The following GPM6A variants were observed in gnomAD, a reference collection of about 807,000 sequenced individuals.
GPM6A encodes neuronal membrane glycoprotein M6-a.
In GPM6A, 7 loss-of-function variants were observed where a neutral mutation model predicts 32.1. That is an observed-to-expected ratio of 0.22 (90% CI 0.12 to 0.41). The LOEUF (loss-of-function observed/expected upper bound fraction) is 0.41, where lower values mean the gene tolerates loss of function less well. Among genes scored for constraint, GPM6A ranks in the 10% least tolerant of loss-of-function variants. The pLI, the probability that GPM6A is intolerant of heterozygous loss-of-function variation, is 1.00. For synonymous variants in GPM6A, 130 were observed against 123.4 expected (o/e 1.05, Z -0.35); for missense variants, 235 against 347.2 (o/e 0.68, Z 2.57).
chr4:175,987,554 T>G (rs200631099), intron 1 of GPM6A, among the ~76,000 whole-genome samples: 11 of 109,488 alleles, frequency 1.0e-4, no homozygotes, highest in Non-Finnish European at 1.0e-4. Context: ...GTGTGTGTGT[T>G]TGTCTTTATA....
chr4:175,920,280 A>C (rs1238512704), intron 1 of GPM6A, among the ~76,000 whole-genome samples: 1 of 152,224 alleles, frequency 6.6e-6, no homozygotes, highest in Non-Finnish European at 1.5e-5. Context: ...CACCTCTGCT[A>C]CCAGTTGTGT....
At chr4:175,679,348 A>G (rs1421353024) in intron 2 of GPM6A, among the ~76,000 whole-genome samples, 1 of 152,088 alleles carries the variant, frequency 6.6e-6, no homozygotes, top group Non-Finnish European at 1.5e-5. Flanking sequence ...TGCTCCTGTC[A>G]GGGTATCTCC....
chr4:175,957,395 T>C (rs1740022500), intron 1 of GPM6A, among the ~76,000 whole-genome samples: 1 of 152,212 alleles, frequency 6.6e-6, no homozygotes, highest in Non-Finnish European at 1.5e-5. Context: ...GTCCCTACCA[T>C]GTATTTATGT....
chr4:175,923,925 A>C (rs908994028), intron 1 of GPM6A, among the ~76,000 whole-genome samples: 5 of 152,132 alleles, frequency 3.3e-5, no homozygotes, highest in Non-Finnish European at 5.9e-5. Flanking sequence ...ATAAGACAAC[A>C]AGCATGAAGA....
At chr4:175,692,381 T>C (rs1744347643) in intron 2 of GPM6A, among the ~76,000 whole-genome samples, 2 of 152,122 alleles carry the variant, frequency 1.3e-5, no homozygotes, top group South Asian at 4.1e-4. Context: ...GGTATTATAA[T>C]TTATTTTTTT....
In GPM6A at chr4:175,634,842, G is replaced by T; in HGVS notation, c.*63C>A. The T allele has an allele frequency of 7.2e-7, 1 of 1,385,750 alleles. No individual in the cohort carries two copies. The highest frequency in any genetic ancestry group is 1.0e-6 in the Non-Finnish European group (1 of 987,152). The allele number at this position is 1,385,750 out of a possible 1,614,324, so 85.8% of individuals were successfully genotyped here. The stretch of plus-strand genomic sequence containing the variant: ...TCGTTTTGTTTTTTAAAGGTTGGAT[G>T]GTTGGATGGCCCTTAGTTAAACACC... On this transcript the variant is annotated 3_prime_UTR_variant, in exon 7 of 7. Coordinates refer to ENST00000393658, the MANE Select transcript of GPM6A (RefSeq NM_201591.3).
chr4:175,716,000 G>C (rs1169399082), intron 1 of GPM6A, among the ~76,000 whole-genome samples: 1 of 152,118 alleles, frequency 6.6e-6, no homozygotes, highest in East Asian at 1.9e-4. Context: ...GGGAGGAGGA[G>C]GTTGCAGTGA....
intron 1 of GPM6A, among the ~76,000 whole-genome samples, chr4:175,706,658 T>C (rs1484009531): frequency 6.6e-6 from 1 of 152,196 alleles, no homozygotes; most frequent in Admixed American, 6.5e-5. Context: ...CCCATTAGTC[T>C]GTCTATCACT....
chr4:175,851,162 G>T (rs13147240), intron 1 of GPM6A, among the ~76,000 whole-genome samples: 18,195 of 151,968 alleles, frequency 0.12, 1,492 homozygotes, highest in East Asian at 0.29. Context: ...TTTGAGACCA[G>T]CCTGGCCAAC....
intron 1 of GPM6A, among the ~76,000 whole-genome samples, chr4:175,951,117 A>G (rs1279321190): frequency 6.6e-6 from 1 of 152,200 alleles, no homozygotes; most frequent in African/African-American, 2.4e-5. Context: ...TCTTAAATAC[A>G]ACACGTCGAT....
At chr4:175,817,184 C>G (rs2111342942), upstream of GPM6A, among the ~76,000 whole-genome samples, 1 of 152,344 alleles carries the variant, frequency 6.6e-6, no homozygotes, top group Middle Eastern at 3.4e-3. Context: ...AAAGTCAAAA[C>G]CACCACAAAC....
At chr4:175,917,050 T>C (rs926590253) in intron 1 of GPM6A, among the ~76,000 whole-genome samples, 4 of 152,194 alleles carry the variant, frequency 2.6e-5, no homozygotes, top group Admixed American at 6.5e-5. Context: ...AAGGATATCC[T>C]GTTAAAAGGA....
chr4:175,908,733 A>C (rs1738209330), intron 1 of GPM6A, among the ~76,000 whole-genome samples: 1 of 152,164 alleles, frequency 6.6e-6, no homozygotes, highest in African/African-American at 2.4e-5. Context: ...AGCTATTTTT[A>C]TGTAGAACTA....
chr4:175,848,333 T>C (rs1736152470), intron 1 of GPM6A, among the ~76,000 whole-genome samples: 1 of 152,196 alleles, frequency 6.6e-6, no homozygotes, highest in African/African-American at 2.4e-5. Context: ...CCTCTGAAAG[T>C]CAACGAAATA....
At chr4:175,648,686 A>T (rs1741612602) in intron 4 of GPM6A, among the ~76,000 whole-genome samples, 1 of 152,160 alleles carries the variant, frequency 6.6e-6, no homozygotes, top group South Asian at 2.1e-4. Context: ...CAGTTTCTCC[A>T]GGCCACCCAC....
rs1845729 is a variant in GPM6A, at chr4:175,884,322, A to G, written c.-22-72073T>C. On this transcript the variant is annotated intron_variant, in intron 1 of 7. Coordinates refer to the GPM6A transcript ENST00000280187. ...TTTTCACATACTAGTGATGATTCAC[A>G]TCATTTACACATATATTCTGAACAG... Among the ~76,000 whole-genome samples the G allele has an allele frequency of 3.9e-3, 594 of 152,350 alleles. 29 individuals are homozygous for G. The East Asian group carries it at 0.1, about 26-fold the overall frequency.
chr4:175,644,121 G>GTTTTTTTTT (rs781755092), intron 4 of GPM6A, among the ~76,000 whole-genome samples: 4 of 110,362 alleles, frequency 3.6e-5, no homozygotes, highest in Non-Finnish European at 5.4e-5. Context: ...TTTTCCGTTT[G>GTTTTTTTTT]TTTTTTTTTT....
intron 1 of GPM6A, among the ~76,000 whole-genome samples, chr4:175,773,911 T>C (rs756191952): frequency 9.2e-5 from 14 of 152,234 alleles, no homozygotes; most frequent in Non-Finnish European, 1.8e-4. Flanking sequence ...CAAAATGATA[T>C]ACCATTTCAT....
chr4:175,917,514 A>G (rs1738530680), intron 1 of GPM6A, among the ~76,000 whole-genome samples: 1 of 152,208 alleles, frequency 6.6e-6, no homozygotes, highest in Non-Finnish European at 1.5e-5. Context: ...CCTAACAAGA[A>G]CAAAGAAGGC....
Sources: gnomAD v4.1 joint callset for allele counts (sites outside exome capture counted in the v4.1 genomes callset) on GRCh38, gnomAD v4.1.1 for gene constraint, MANE v1.5 for transcripts, NCBI Gene and HGNC (gene_info 2026-07-23, HGNC 2026-07-21) for gene names.